The following TMEM120B variants were observed in gnomAD, a reference collection of about 807,000 sequenced individuals.
The protein encoded by TMEM120B is transmembrane protein 120B.
Under a neutral mutation model 55.5 loss-of-function variants are expected in TMEM120B, and 31 were observed. The ratio of observed to expected loss-of-function variants is 0.56; its 90% CI spans 0.42 to 0.75. The LOEUF (loss-of-function observed/expected upper bound fraction) is 0.75, where lower values mean the gene tolerates loss of function less well. Among genes scored for constraint, TMEM120B ranks in the 30% least tolerant of loss-of-function variants. The pLI is 0.00. For synonymous variants in TMEM120B, 203 were observed against 176.3 expected, an observed-to-expected ratio of 1.15 and a Z score of -1.20; for missense variants, 399 against 425.5, an observed-to-expected ratio of 0.94 and a Z score of 0.55.
chr12:121,723,206 C>T (rs1020123756), intron 1 of TMEM120B, among the ~76,000 whole-genome samples: 7 of 152,000 alleles, frequency 4.6e-5, no homozygotes, highest in Admixed American at 4.6e-4. Context: ...CTAACTCCAT[C>T]GTTCAGGCTG....
At chr12:121,725,684 G>A (rs1239429385) in intron 1 of TMEM120B, among the ~76,000 whole-genome samples, 3 of 152,032 alleles carry the variant, frequency 2.0e-5, no homozygotes, top group Non-Finnish European at 4.4e-5. Context: ...AGTCAAAAAA[G>A]CCAGATGCAA....
chr12:121,756,050 C>T (rs1281605710), intron 5 of TMEM120B, among the ~76,000 whole-genome samples: 6 of 152,104 alleles, frequency 3.9e-5, no homozygotes, highest in African/African-American at 7.2e-5. Flanking sequence ...GAATCCAGAG[C>T]GATCATCTAT....
chr12:121,758,262 G>C (rs1873541929), intron 5 of TMEM120B: 2 of 985,348 alleles, frequency 2.0e-6, no homozygotes, highest in Admixed American at 6.2e-5. Context: ...CCACTTCACA[G>C]ATTGCAGGGC....
rs912782436 is a variant in TMEM120B at position 121,713,404 on chromosome 12, C to G, written c.69+440C>G. Reference sequence around the variant, plus strand: ...CGTGCTCTGGCGGGGCAGCACTATCCTGCAGCTCTGTTTTGGGAGGTGTAC... The same window carrying G: ...CGTGCTCTGGCGGGGCAGCACTATCGTGCAGCTCTGTTTTGGGAGGTGTAC... On this transcript the variant is annotated intron_variant, in intron 1 of 11. Coordinates refer to ENST00000449592, the MANE Select transcript of TMEM120B (RefSeq NM_001080825.2). Among the ~76,000 whole-genome samples the G allele has an allele frequency of 2.0e-5, 3 of 152,296 alleles. No homozygotes were observed. In the South Asian group the frequency reaches 6.2e-4, roughly 32 times the overall value.
chr12:121,770,886 C>A, intron 6 of TMEM120B, 21 bp from the exon 7 acceptor site: 1 of 1,613,666 alleles, frequency 6.2e-7, no homozygotes, highest in East Asian at 2.2e-5. Flanking sequence ...TGAGCACTTT[C>A]CGTTCTCTCC....
At position 121,727,445 on chromosome 12, in the gene TMEM120B, A is replaced by T. The variant is rs1382736271; in HGVS notation, c.69+14481A>T. ...CAGCTTCTCGGGAGGCTGAGGCAGG[A>T]GGATCACTTGAGCTGGGGAAGTTGA... is the stretch of plus-strand genomic sequence containing the variant. On this transcript the variant is annotated intron_variant, in intron 1 of 11. Coordinates refer to ENST00000449592, the MANE Select transcript of TMEM120B (RefSeq NM_001080825.2). 2.0e-5 allele frequency among the ~76,000 whole-genome samples: 3 copies of T among 149,374 alleles called. No homozygotes were observed. In the East Asian group the frequency reaches 6.1e-4, roughly 31 times the overall value.
At chr12:121,749,465 T>C (rs1566516582) in intron 3 of TMEM120B, among the ~76,000 whole-genome samples, 1 of 152,194 alleles carries the variant, frequency 6.6e-6, no homozygotes, top group Non-Finnish European at 1.5e-5. Flanking sequence ...GAGGATCACT[T>C]GAGCCCAGGA....
intron 1 of TMEM120B, among the ~76,000 whole-genome samples, chr12:121,743,206 T>C (rs1872983406): frequency 6.6e-6 from 1 of 151,978 alleles, no homozygotes; most frequent in Admixed American, 6.6e-5. Flanking sequence ...TAACAGGAAC[T>C]CTCTTCATTG....
chr12:121,721,861 T>TGCA (rs1442468394), intron 1 of TMEM120B, among the ~76,000 whole-genome samples: 1 of 139,502 alleles, frequency 7.2e-6, no homozygotes, highest in African/African-American at 2.7e-5. Context: ...CAGGCTGGAG[T>TGCA]GCAGTGGCTC....
In TMEM120B at chr12:121,770,942, C is replaced by T. The variant is rs376403880; in HGVS notation, c.587C>T (p.Ser196Phe). The change falls in exon 7 of 12, where the codon TCC becomes TTC. Residue 196 changes from serine (S) to phenylalanine (F), a missense_variant. Around this residue, in one of 3 missense-constraint regions of TMEM120B, gnomAD observed 260 missense variants for 303.9 expected, o/e 0.86. Transcript: ENST00000449592. ...KGWWVSHHYVSTFLSGVMLTW... is the reference protein window; with the variant it reads ...KGWWVSHHYVFTFLSGVMLTW... The stretch of plus-strand genomic sequence containing the variant: ...TGGTGGGTGTCTCACCACTACGTCT[C>T]CACATTCCTGTCCGGAGTGATGCTG... 40 of 1,614,028 alleles carry T rather than the reference C, an allele frequency of 2.5e-5. No homozygotes were observed. Among genetic ancestry groups the T allele is most frequent in the Non-Finnish European group, 3.2e-5 (38 of 1,180,020 alleles).
At chr12:121,714,223 T>C (rs1355705882) in intron 1 of TMEM120B, among the ~76,000 whole-genome samples, 1 of 152,152 alleles carries the variant, frequency 6.6e-6, no homozygotes. Context: ...TTGGCTCCAC[T>C]CCCACGGAGA....
At chr12:121,721,200 A>G (rs1436967680) in intron 1 of TMEM120B, among the ~76,000 whole-genome samples, 2 of 152,132 alleles carry the variant, frequency 1.3e-5, no homozygotes, top group Admixed American at 6.6e-5. Flanking sequence ...GTTTTGTAAG[A>G]GAGGGTCTCA....
rs539282630 is a variant in TMEM120B at position 121,779,948 on chromosome 12, C to A, written c.*4226C>A. 1.2e-3 allele frequency: 310 copies of A among 268,810 alleles called. No homozygotes were observed. The African/African-American group carries it at 0.015, about 13-fold the overall frequency. The allele number at this position is 268,810 out of a possible 1,614,324, so 16.7% of individuals were successfully genotyped here. A position where few individuals can be genotyped will look rare whatever the true frequency, so the allele number is the denominator to read the frequency against. On this transcript the variant is annotated 3_prime_UTR_variant, in exon 12 of 12. Coordinates refer to ENST00000449592, the MANE Select transcript of TMEM120B (RefSeq NM_001080825.2). ...TCCTGAGACCCGGGGTTGGTTCCCC[C>A]AGGTGTCTCCCAGGCCTGTGAGAAG...
chr12:121,750,555 C>A, intron 4 of TMEM120B, 116 bp downstream of exon 4: 5 of 750,578 alleles, frequency 6.7e-6, no homozygotes, highest in Non-Finnish European at 6.8e-6. Context: ...CACACCAACA[C>A]CCCACACCTC....
At chr12:121,748,291 C>G (rs763284875) in intron 2 of TMEM120B, 35 bp from the exon 3 acceptor site, 2 of 1,547,170 alleles carry the variant, frequency 1.3e-6, no homozygotes, top group Non-Finnish European at 1.8e-6. Flanking sequence ...CTCTGAGTGA[C>G]GCCCCTTCCC....
chr12:121,740,824 G>C (rs1042572234), intron 1 of TMEM120B, among the ~76,000 whole-genome samples: 1 of 152,156 alleles, frequency 6.6e-6, no homozygotes, highest in Non-Finnish European at 1.5e-5. Flanking sequence ...GAAAAGAGGT[G>C]TGTTGCCTGC....
intron 1 of TMEM120B, among the ~76,000 whole-genome samples, chr12:121,736,131 A>C (rs1895105895): frequency 6.6e-6 from 1 of 151,878 alleles, no homozygotes. Flanking sequence ...CTTCAGCAAC[A>C]TTTCTGGATG....
chr12:121,733,358 C>T (rs2137061790), intron 1 of TMEM120B, among the ~76,000 whole-genome samples: 1 of 151,014 alleles, frequency 6.6e-6, no homozygotes. Flanking sequence ...CATTCTCCTG[C>T]CTCAGCCTCC....
rs1874377730 is a variant in TMEM120B at position 121,779,715 on chromosome 12, GCA to G, written c.*3995_*3996del. 6.3e-7 allele frequency: 1 copy of G among 1,594,914 alleles called. No individual in the cohort carries two copies. The highest frequency in any genetic ancestry group is 2.2e-5 in the East Asian group (1 of 44,752). ...GTGAGGGGCCCCTGGAGGTCTCCTAGCACCACCTGGTGGGTTTGGGACTGGCT... is the reference window on the plus strand; with the variant it reads ...GTGAGGGGCCCCTGGAGGTCTCCTAGCCACCTGGTGGGTTTGGGACTGGCT... On this transcript the variant is annotated 3_prime_UTR_variant, in exon 12 of 12. Coordinates refer to ENST00000449592, the MANE Select transcript of TMEM120B (RefSeq NM_001080825.2).
Sources: allele counts gnomAD v4.1 joint callset (sites outside exome capture counted in the v4.1 genomes callset), GRCh38; gene constraint gnomAD v4.1.1; regional missense constraint gnomAD v4.1.1; transcripts MANE v1.5; gene names NCBI Gene and HGNC (gene_info 2026-07-23, HGNC 2026-07-21).